PRELID2: variants seen among roughly 807,000 people sequenced by gnomAD.
PRELID2 encodes PRELI domain containing 2.
A neutral mutation model predicts 28.4 loss-of-function variants in PRELID2; 25 were observed. The ratio of observed to expected loss-of-function variants is 0.88; its 90% CI spans 0.64 to 1.23. The LOEUF is 1.23. Ranked by LOEUF, PRELID2 falls within the 50% of genes most tolerant of loss-of-function variation. The pLI is 0.00. For missense variants in PRELID2, 201 were observed against 214.4 expected, an observed-to-expected ratio of 0.94 and a Z score of 0.39; for synonymous variants, 76 against 71.6, an observed-to-expected ratio of 1.06 and a Z score of -0.31.
chr5:145,807,918 G>C (rs555993501), intron 4 of PRELID2, among the ~76,000 whole-genome samples: 23 of 152,278 alleles, frequency 1.5e-4, no homozygotes, highest in African/African-American at 5.5e-4. Flanking sequence ...AAACAGAGGA[G>C]ACTCTGATTA....
chr5:145,322,285 GTTA>G, the PRELID2 span, among the ~76,000 whole-genome samples: 2 of 152,112 alleles, frequency 1.3e-5, no homozygotes, highest in Non-Finnish European at 2.9e-5. Flanking sequence ...GAGATACTAG[GTTA>G]TTTTTTCCAT....
chr5:145,434,538 C>T, the PRELID2 span, among the ~76,000 whole-genome samples: 1 of 152,158 alleles, frequency 6.6e-6, no homozygotes, highest in Non-Finnish European at 1.5e-5. Context: ...ATCGAGGAAT[C>T]ATTAGTTCAT....
At chr5:145,743,427 AAAAG>A (rs1756894890) in intron 1 of PRELID2, among the ~76,000 whole-genome samples, 1 of 150,712 alleles carries the variant, frequency 6.6e-6, no homozygotes, top group Middle Eastern at 3.2e-3. Flanking sequence ...AAAAAAAAAA[AAAAG>A]AAAGAAAAAG....
At chr5:145,308,646 G>C in the PRELID2 span, among the ~76,000 whole-genome samples, 1 of 151,476 alleles carries the variant, frequency 6.6e-6, no homozygotes, top group African/African-American at 2.4e-5. Flanking sequence ...CTAATACAAT[G>C]CATTCTTCTT....
the PRELID2 span, among the ~76,000 whole-genome samples, chr5:145,263,986 G>C: frequency 6.6e-6 from 1 of 152,056 alleles, no homozygotes; most frequent in African/African-American, 2.4e-5. Flanking sequence ...CACCTCCCAG[G>C]TTCAAGCAAT....
intron 4 of PRELID2, among the ~76,000 whole-genome samples, chr5:145,805,084 T>C (rs1399933816): frequency 6.6e-6 from 1 of 152,216 alleles, no homozygotes; most frequent in Non-Finnish European, 1.5e-5. Flanking sequence ...CTTTATTTCC[T>C]ATAGCTACAA....
the PRELID2 span, among the ~76,000 whole-genome samples, chr5:145,260,783 A>G: frequency 6.6e-6 from 1 of 152,234 alleles, no homozygotes; most frequent in African/African-American, 2.4e-5. Context: ...GAATTACTGC[A>G]GGAACATACC....
At chr5:145,578,881 A>C (rs1048092326) in intron 1 of PRELID2, among the ~76,000 whole-genome samples, 4 of 152,072 alleles carry the variant, frequency 2.6e-5, no homozygotes, top group African/African-American at 9.7e-5. Context: ...ACAGAGTTAG[A>C]AGGGTCATTA....
chr5:145,518,889 T>C (rs550472023), intron 1 of PRELID2, among the ~76,000 whole-genome samples: 2 of 152,312 alleles, frequency 1.3e-5, no homozygotes, highest in South Asian at 2.1e-4. Flanking sequence ...AAATTGTCAA[T>C]AGTTCTGAGG....
chr5:145,693,272 C>T (rs1014679843), intron 1 of PRELID2, among the ~76,000 whole-genome samples: 1 of 151,758 alleles, frequency 6.6e-6, no homozygotes, highest in Non-Finnish European at 1.5e-5. Flanking sequence ...CTCAGCCTCC[C>T]AAGTAGCTGA....
rs865804290 is a variant in PRELID2, at chr5:145,807,634, T to C, written c.368+10260A>G. On this transcript the variant is annotated intron_variant, in intron 4 of 6. Coordinates refer to ENST00000683046, the MANE Select transcript of PRELID2 (RefSeq NM_205846.3). ...GTAGAGATTCTCTCTACATGGCATT[T>C]CCTACCAAATCCTACTGGGCTTCCC... 2.5e-4 allele frequency among the ~76,000 whole-genome samples: 38 copies of C among 152,096 alleles called. No homozygotes were observed. In the Middle Eastern group the frequency reaches 0.01, roughly 41 times the overall value.
At chr5:145,695,239 G>C (rs1755234185) in intron 1 of PRELID2, among the ~76,000 whole-genome samples, 1 of 152,166 alleles carries the variant, frequency 6.6e-6, no homozygotes, top group African/African-American at 2.4e-5. Flanking sequence ...TGAATGCCAA[G>C]ACCTGAAAGA....
At chr5:145,508,257 CAGATAGATAGAT>C (rs58785072) in intron 1 of PRELID2, among the ~76,000 whole-genome samples, 1,741 of 149,604 alleles carry the variant, frequency 0.012, 30 homozygotes, top group African/African-American at 0.041. Context: ...TTTGCATAGA[CAGATAGATAGAT>C]AGATAGATAG....
the PRELID2 span, among the ~76,000 whole-genome samples, chr5:145,381,961 T>A: frequency 1.3e-5 from 2 of 151,806 alleles, no homozygotes; most frequent in Non-Finnish European, 1.5e-5. Context: ...ACTTAGTTTT[T>A]TTTTTTTTAA....
chr5:145,682,083 T>C lies in PRELID2; in HGVS notation n.70+82848A>G, dbSNP rs551745486. Among the ~76,000 whole-genome samples, 5 of 151,904 alleles carry C rather than the reference T, an allele frequency of 3.3e-5. No homozygotes were observed. The South Asian group carries it at 1.0e-3, about 32-fold the overall frequency. On this transcript the variant is annotated intron_variant and non_coding_transcript_variant, in intron 1 of 2. Transcript: ENST00000510259. ...AGAAAAAAAAAAGACCAACAAAGAATTGAATAAAATTATGCAGGAGTGGTG... is the reference window on the plus strand; with the variant it reads ...AGAAAAAAAAAAGACCAACAAAGAACTGAATAAAATTATGCAGGAGTGGTG...
At chr5:145,725,360 G>A (rs1228641553) in intron 1 of PRELID2, among the ~76,000 whole-genome samples, 1 of 152,076 alleles carries the variant, frequency 6.6e-6, no homozygotes, top group Non-Finnish European at 1.5e-5. Flanking sequence ...AGAAATGTAG[G>A]GATGTAAACC....
chr5:145,687,329 C>T (rs1437389485), intron 1 of PRELID2, among the ~76,000 whole-genome samples: 1 of 152,156 alleles, frequency 6.6e-6, no homozygotes, highest in Non-Finnish European at 1.5e-5. Flanking sequence ...CCTGCATGGC[C>T]TTAAAAAGCA....
At chr5:145,773,773 T>G (rs1758246911) in intron 5 of PRELID2, among the ~76,000 whole-genome samples, 1 of 152,268 alleles carries the variant, frequency 6.6e-6, no homozygotes, top group Non-Finnish European at 1.5e-5. Flanking sequence ...TTAAGCTCAG[T>G]CATAATTTTC....
the PRELID2 span, among the ~76,000 whole-genome samples, chr5:145,300,700 CTTT>C: frequency 2.3e-5 from 3 of 128,396 alleles, no homozygotes; most frequent in Admixed American, 7.9e-5. Flanking sequence ...TTTTTATTTA[CTTT>C]TTTTTTTTTT....
Sources: allele counts gnomAD v4.1 joint callset (sites outside exome capture counted in the v4.1 genomes callset), GRCh38; gene constraint gnomAD v4.1.1; transcripts MANE v1.5; gene names NCBI Gene and HGNC (gene_info 2026-07-23, HGNC 2026-07-21).